CSNK1G1: variants seen among roughly 807,000 people sequenced by gnomAD.
The protein encoded by CSNK1G1 is casein kinase I isoform gamma-1.
Under a neutral mutation model 59.6 loss-of-function variants are expected in CSNK1G1, and 22 were observed. That is an observed-to-expected ratio of 0.37 (90% CI 0.26 to 0.53). The LOEUF (loss-of-function observed/expected upper bound fraction) is 0.53, where lower values mean the gene tolerates loss of function less well. Ranked by LOEUF, CSNK1G1 falls within the 20% of genes least tolerant of loss-of-function variation. The probability of loss-of-function intolerance (pLI) is 0.89; values close to 1 mark genes in which losing one functional copy is unlikely to be tolerated. For missense variants in CSNK1G1, 384 were observed against 519.5 expected, an observed-to-expected ratio of 0.74 and a Z score of 2.54; for synonymous variants, 179 against 177.1, an observed-to-expected ratio of 1.01 and a Z score of -0.08.
At position 64,213,865 on chromosome 15, in the gene CSNK1G1, T is replaced by G. The variant is rs751700963; in HGVS notation, c.679+25A>C. 3 of 1,490,976 alleles carry G rather than the reference T, an allele frequency of 2.0e-6. No homozygotes were observed. The East Asian group carries it at 6.8e-5, about 34-fold the overall frequency. The allele number at this position is 1,490,976 out of a possible 1,614,324, so 92.4% of individuals were successfully genotyped here. On this transcript the variant is annotated intron_variant, in intron 6 of 11. Coordinates refer to ENST00000303052, the MANE Select transcript of CSNK1G1 (RefSeq NM_022048.5). ...ATAAACTGTTCTAATGACTCGCCCC[T>G]TTCATGGAACAGAAAAAAACACACC...
Position 64,317,884 on chromosome 15 carries a change from T to C in CSNK1G1, c.-224-17161A>G, listed in dbSNP as rs559183864. Among the ~76,000 whole-genome samples the C allele has an allele frequency of 3.3e-5, 5 of 152,354 alleles. No individual in the cohort carries two copies. In the East Asian group the frequency reaches 9.6e-4, roughly 29 times the overall value. On this transcript the variant is annotated intron_variant, in intron 1 of 11. Transcript: ENST00000303052. ...CTACAATTAGTGCAACTGATTTTTC[T>C]TGAGTTTACCTGGTAAATAATACCA...
chr15:64,345,446 A>G (rs187948021), intron 1 of CSNK1G1, among the ~76,000 whole-genome samples: 477 of 152,330 alleles, frequency 3.1e-3, no homozygotes, highest in Non-Finnish European at 5.8e-3. Flanking sequence ...CCTTCGCAAC[A>G]ATAAAACCCA....
chr15:64,291,288 A>C (rs1035453126), intron 2 of CSNK1G1, among the ~76,000 whole-genome samples: 3 of 152,162 alleles, frequency 2.0e-5, no homozygotes, highest in African/African-American at 7.2e-5. Flanking sequence ...AATACCTTTA[A>C]ATTATGTTAC....
intron 2 of CSNK1G1, among the ~76,000 whole-genome samples, chr15:64,297,688 C>A (rs1895101940): frequency 1.3e-5 from 2 of 150,770 alleles, no homozygotes; most frequent in East Asian, 1.9e-4. Context: ...CAGAGCAAGA[C>A]CCTGTCTCTC....
chr15:64,340,765 G>A (rs1231897763), intron 1 of CSNK1G1, among the ~76,000 whole-genome samples: 2 of 152,136 alleles, frequency 1.3e-5, no homozygotes, highest in African/African-American at 2.4e-5. Flanking sequence ...ACCAGACTGG[G>A]CAATATGGCA....
chr15:64,248,700 T>C (rs1209863525), intron 4 of CSNK1G1, among the ~76,000 whole-genome samples: 2 of 151,984 alleles, frequency 1.3e-5, no homozygotes, highest in Non-Finnish European at 2.9e-5. Context: ...AAATAAAAAA[T>C]ATGGCCAGGC....
At chr15:64,265,530 A>G (rs2140339779) in intron 2 of CSNK1G1, among the ~76,000 whole-genome samples, 1 of 152,298 alleles carries the variant, frequency 6.6e-6, no homozygotes, top group South Asian at 2.1e-4. Context: ...CATGATTGTG[A>G]GGCCTCCCAG....
At chr15:64,292,860 A>G (rs1322428914) in intron 2 of CSNK1G1, among the ~76,000 whole-genome samples, 1 of 152,048 alleles carries the variant, frequency 6.6e-6, no homozygotes, top group Non-Finnish European at 1.5e-5. Context: ...CCTGGGAGGC[A>G]GAGGTTGCAG....
chr15:64,200,479 G>A lies in CSNK1G1; in HGVS notation c.1107+2603C>T, dbSNP rs545160505. Among the ~76,000 whole-genome samples, 6 of 151,930 alleles carry A rather than the reference G, an allele frequency of 3.9e-5. No homozygotes were observed. Among genetic ancestry groups the A allele is most frequent in the Non-Finnish European group, 7.4e-5 (5 of 67,996 alleles). Reference sequence around the variant, plus strand: ...TCCTGCCTCAGCCTCCTGAGTAGCCGGGATTTGAGGCATGTGCCACCACAC... The same window carrying A: ...TCCTGCCTCAGCCTCCTGAGTAGCCAGGATTTGAGGCATGTGCCACCACAC... On this transcript the variant is annotated intron_variant, in intron 10 of 11. Transcript: ENST00000303052. This position sits in a 1 kb window ranked among gnomAD's most constrained non-coding sequence, Gnocchi z 4.3.
intron 10 of CSNK1G1, among the ~76,000 whole-genome samples, chr15:64,194,522 T>C (rs576690102): frequency 7.3e-4 from 107 of 145,822 alleles, no homozygotes; most frequent in Middle Eastern, 3.4e-3. Context: ...CTTTTCTTTT[T>C]TTTTTTTTTT....
chr15:64,294,840 A>G (rs1198026371), intron 2 of CSNK1G1, among the ~76,000 whole-genome samples: 1 of 141,472 alleles, frequency 7.1e-6, no homozygotes, highest in Non-Finnish European at 1.5e-5. Flanking sequence ...TGAACTCAGG[A>G]GGCGGAGGTT....
intron 3 of CSNK1G1, among the ~76,000 whole-genome samples, chr15:64,253,845 T>C (rs1369867516): frequency 1.3e-5 from 2 of 152,130 alleles, no homozygotes; most frequent in Non-Finnish European, 2.9e-5. Flanking sequence ...CTACTTAATA[T>C]TAAGTACCCA....
In CSNK1G1 at chr15:64,196,220, T is replaced by TA. The variant is rs556476666; in HGVS notation, c.1107+6861dup. On this transcript the variant is annotated intron_variant, in intron 10 of 11. Coordinates refer to ENST00000303052, the MANE Select transcript of CSNK1G1 (RefSeq NM_022048.5). ...AGGTGGAGTGAGATCCCATCTCTAT[T>TA]AAAAAAAAAGAAGTGCTTGGAATAA... 2.5e-3 allele frequency among the ~76,000 whole-genome samples: 375 copies of TA among 151,238 alleles called. 4 individuals are homozygous for TA. The highest frequency in any genetic ancestry group is 0.01 in the Middle Eastern group (3 of 292).
chr15:64,205,008 A>G lies in CSNK1G1; in HGVS notation c.766-59T>C, dbSNP rs2291525. 1,059 of 995,900 alleles carry G rather than the reference A, an allele frequency of 1.1e-3. 24 individuals are homozygous for G. In the East Asian group the frequency reaches 0.026, roughly 24 times the overall value. The allele number at this position is 995,900 out of a possible 1,614,324, so 61.7% of individuals were successfully genotyped here. A position where few individuals can be genotyped will look rare whatever the true frequency, so the allele number is the denominator to read the frequency against. On this transcript the variant is annotated intron_variant, in intron 7 of 11. Transcript: ENST00000303052. ...AGAGGGCCTAAACATGGGAGATTCA[A>G]TATGTTTTTGGACACAATGGTTGTT...
intron 1 of CSNK1G1, 29 bp from the exon 2 acceptor site, chr15:64,300,752 T>C (rs1437526864): frequency 8.2e-7 from 1 of 1,218,232 alleles, no homozygotes; most frequent in East Asian, 3.1e-5. Flanking sequence ...AACATGTAGT[T>C]AAAAATTAAA....
chr15:64,313,059 T>C (rs1314911181), intron 1 of CSNK1G1, among the ~76,000 whole-genome samples: 1 of 152,164 alleles, frequency 6.6e-6, no homozygotes, highest in Non-Finnish European at 1.5e-5. Context: ...TGAGATACCA[T>C]CTCACGCCAG....
intron 1 of CSNK1G1, among the ~76,000 whole-genome samples, chr15:64,355,695 G>C (rs561265947): frequency 1.9e-4 from 29 of 152,210 alleles, no homozygotes; most frequent in Non-Finnish European, 4.0e-4. Flanking sequence ...TTCAGAGTAA[G>C]CCCTCCAGGT....
intron 1 of CSNK1G1, among the ~76,000 whole-genome samples, chr15:64,314,901 A>C (rs114845101): frequency 0.011 from 1,685 of 152,266 alleles, 17 homozygotes; most frequent in Middle Eastern, 0.031. Flanking sequence ...GGTTGATTCC[A>C]TAACTTGGCT....
intron 2 of CSNK1G1, among the ~76,000 whole-genome samples, chr15:64,290,110 C>T (rs1280806004): frequency 2.6e-5 from 4 of 151,932 alleles, no homozygotes; most frequent in Non-Finnish European, 5.9e-5. Context: ...ACACTGTTGG[C>T]GGGAATGTAA....
Sources: gnomAD v4.1 joint callset for allele counts (sites outside exome capture counted in the v4.1 genomes callset) on GRCh38, gnomAD v4.1.1 for gene constraint, Gnocchi (gnomAD v3.1) non-coding constraint, MANE v1.5 for transcripts, NCBI Gene and HGNC (gene_info 2026-07-23, HGNC 2026-07-21) for gene names.